IFT80: variants seen among roughly 807,000 people sequenced by gnomAD.
The protein encoded by IFT80 is intraflagellar transport protein 80 homolog.
In IFT80, 79 loss-of-function variants were observed where a neutral mutation model predicts 107.9. The observed-to-expected ratio is 0.73, with a 90% confidence interval of 0.61 to 0.88. IFT80 has a LOEUF of 0.88. Ranked by LOEUF, IFT80 falls within the 40% of genes least tolerant of loss-of-function variation. IFT80 has a pLI of 0.00. For synonymous variants in IFT80, 299 were observed against 300.9 expected (o/e 0.99, Z 0.07); for missense variants, 797 against 914.2 (o/e 0.87, Z 1.65).
chr3:160,272,727 G>A (rs1713915097), intron 18 of IFT80, among the ~76,000 whole-genome samples: 1 of 152,082 alleles, frequency 6.6e-6, no homozygotes, highest in Non-Finnish European at 1.5e-5. Context: ...TCCCCTCAAT[G>A]TCTAGGATCT....
intron 1 of IFT80, among the ~76,000 whole-genome samples, chr3:160,395,001 A>C (rs974206771): frequency 3.9e-4 from 60 of 152,282 alleles, no homozygotes; most frequent in African/African-American, 1.4e-3. Flanking sequence ...GAAAGCTTTA[A>C]ATTCTAATTT....
chr3:160,292,620 C>G (rs1405447882), intron 12 of IFT80, among the ~76,000 whole-genome samples: 1 of 151,934 alleles, frequency 6.6e-6, no homozygotes, highest in Non-Finnish European at 1.5e-5. Context: ...GCTGGGATTA[C>G]AGGTGCACAC....
In IFT80 at chr3:160,364,103, C is replaced by T. The variant is rs371301743; in HGVS notation, c.549+1940G>A. On this transcript the variant is annotated intron_variant, in intron 6 of 19. Coordinates refer to ENST00000326448, the MANE Select transcript of IFT80 (RefSeq NM_020800.3). The stretch of plus-strand genomic sequence containing the variant: ...AATGGGAGAAAATTTTTGCAATCTA[C>T]CCATCTGACAAAGGGCTAATATCCA... Among the ~76,000 whole-genome samples, 43 of 152,186 alleles carry T rather than the reference C, an allele frequency of 2.8e-4. No homozygotes were observed. The East Asian group carries it at 3.5e-3, about 12-fold the overall frequency.
At chr3:160,352,915 A>G (rs1720818284) in intron 8 of IFT80, among the ~76,000 whole-genome samples, 1 of 152,128 alleles carries the variant, frequency 6.6e-6, no homozygotes. Context: ...TTGTACTACA[A>G]CAGCTCCTAA....
rs184225054 is a variant in IFT80, at chr3:160,368,617, G to A, written c.440-2465C>T. ...TTCAAAAATAAATCTCCAAATGAAC[G>A]AAGTTTAACCTTAATAAACTCCCCA... On this transcript the variant is annotated intron_variant, in intron 5 of 19. Coordinates refer to ENST00000326448, the MANE Select transcript of IFT80 (RefSeq NM_020800.3). Among the ~76,000 whole-genome samples, 137 of 151,866 alleles carry A rather than the reference G, an allele frequency of 9.0e-4. 1 individual carries two copies. The South Asian group carries it at 0.026, about 28-fold the overall frequency.
rs556592749 is a variant in IFT80, at chr3:160,345,713, A to G, written c.777+10300T>C. Among the ~76,000 whole-genome samples the G allele has an allele frequency of 1.2e-4, 18 of 151,398 alleles. No homozygotes were observed. The South Asian group carries it at 3.3e-3, about 28-fold the overall frequency. ...TGTCTCAAAAAAAAAAAAAAAAAAAAAGAGAAGGATGGTTATCAGAGGCTG... is the reference window on the plus strand; with the variant it reads ...TGTCTCAAAAAAAAAAAAAAAAAAAGAGAGAAGGATGGTTATCAGAGGCTG... On this transcript the variant is annotated intron_variant, in intron 8 of 19. Coordinates refer to ENST00000326448, the MANE Select transcript of IFT80 (RefSeq NM_020800.3).
chr3:160,339,262 C>T (rs1476017188), intron 8 of IFT80, among the ~76,000 whole-genome samples: 1 of 152,108 alleles, frequency 6.6e-6, no homozygotes, highest in Non-Finnish European at 1.5e-5. Flanking sequence ...TTATAGTCAG[C>T]CCTTGCTTTC....
At chr3:160,275,907 T>C (rs1714226074) in intron 18 of IFT80, among the ~76,000 whole-genome samples, 1 of 152,110 alleles carries the variant, frequency 6.6e-6, no homozygotes, top group African/African-American at 2.4e-5. Flanking sequence ...CAATGGCTTA[T>C]TTATTTATTT....
At chr3:160,268,591 T>C in intron 18 of IFT80, 55 bp from the exon 19 acceptor site, 6 of 1,558,940 alleles carry the variant, frequency 3.8e-6, no homozygotes, top group Non-Finnish European at 5.3e-6. Context: ...ACTCCATGAG[T>C]AGTAGAGTTC....
intron 15 of IFT80, among the ~76,000 whole-genome samples, chr3:160,280,427 C>T (rs1474150143): frequency 6.6e-6 from 1 of 152,116 alleles, no homozygotes; most frequent in Non-Finnish European, 1.5e-5. Flanking sequence ...TACCATTACA[C>T]AATATTAAGC....
chr3:160,341,343 TA>T (rs10572114), intron 8 of IFT80, among the ~76,000 whole-genome samples: 17,946 of 142,982 alleles, frequency 0.13, 1,418 homozygotes, highest in African/African-American at 0.26. Context: ...TAACAATGAT[TA>T]AAAAAAAAAA....
intron 13 of IFT80, among the ~76,000 whole-genome samples, chr3:160,283,049 G>C (rs1289747646): frequency 1.3e-5 from 2 of 152,072 alleles, no homozygotes; most frequent in Admixed American, 6.6e-5. Flanking sequence ...CATGTGTCCA[G>C]GGCCTTAAAT....
intron 9 of IFT80, among the ~76,000 whole-genome samples, chr3:160,318,190 G>C (rs979412437): frequency 1.3e-5 from 2 of 151,626 alleles, no homozygotes; most frequent in Admixed American, 6.6e-5. Context: ...CAGTATACTA[G>C]TCTGTGTGTG....
intron 1 of IFT80, among the ~76,000 whole-genome samples, chr3:160,385,144 C>T (rs1424991053): frequency 1.3e-5 from 2 of 152,084 alleles, no homozygotes; most frequent in African/African-American, 4.8e-5. Context: ...GTTACGGTTA[C>T]CACAGTGACA....
rs577278759 is a variant in IFT80 at position 160,322,612 on chromosome 3, C to G, written c.778-2673G>C. Among the ~76,000 whole-genome samples, 440 of 152,254 alleles carry G rather than the reference C, an allele frequency of 2.9e-3. 2 individuals are homozygous for G. The highest frequency in any genetic ancestry group is 0.01 in the African/African-American group (425 of 41,548). ...TCTAGATCCCTGAGGAATCACCACA[C>G]TGACTTCCACAAGGGTTGAACTAGT... On this transcript the variant is annotated intron_variant, in intron 8 of 19. Coordinates refer to ENST00000326448, the MANE Select transcript of IFT80 (RefSeq NM_020800.3).
At chr3:160,341,239 T>TGGACTCA (rs1184924793) in intron 8 of IFT80, among the ~76,000 whole-genome samples, 1 of 152,092 alleles carries the variant, frequency 6.6e-6, no homozygotes, top group Non-Finnish European at 1.5e-5. Flanking sequence ...CTTGAACTCT[T>TGGACTCA]GGACTCAAGA....
intron 12 of IFT80, among the ~76,000 whole-genome samples, chr3:160,293,188 T>C (rs1715704063): frequency 6.6e-6 from 1 of 152,232 alleles, no homozygotes; most frequent in Admixed American, 6.5e-5. Flanking sequence ...TAATTATAGC[T>C]GATACATGAA....
chr3:160,280,775 T>C lies in IFT80; in HGVS notation c.1556A>G (p.Asn519Ser), dbSNP rs1714628390. 6.2e-7 allele frequency: 1 copy of C among 1,613,298 alleles called. No individual in the cohort carries two copies. The highest frequency in any genetic ancestry group is 8.5e-7 in the Non-Finnish European group (1 of 1,179,448). The change falls in exon 15 of 20, where the codon AAT becomes AGT. Residue 519 changes from asparagine to serine, a missense_variant. Transcript: ENST00000326448. ...AGTATCTTGAAGTCCACAAAGGATA[T>C]TGCATGTATCGTTCCATGCCAAAGT... ...VHTLAWNDTC[N>S]ILCGLQDTRF...
At chr3:160,312,834 T>A (rs1322359535) in intron 9 of IFT80, among the ~76,000 whole-genome samples, 1 of 27,668 alleles carries the variant, frequency 3.6e-5, no homozygotes, top group Non-Finnish European at 7.0e-5. Flanking sequence ...AATATATATA[T>A]AATAAATGTA....
Sources: gnomAD v4.1 joint callset for allele counts (sites outside exome capture counted in the v4.1 genomes callset) on GRCh38, gnomAD v4.1.1 for gene constraint, MANE v1.5 for transcripts, NCBI Gene and HGNC (gene_info 2026-07-23, HGNC 2026-07-21) for gene names.